The following TTC21A variants were observed in gnomAD, a reference collection of about 807,000 sequenced individuals.
TTC21A encodes tetratricopeptide repeat domain 21A.
Under a neutral mutation model 156.4 loss-of-function variants are expected in TTC21A, and 128 were observed. The observed-to-expected ratio is 0.82, with a 90% CI of 0.71 to 0.95. The LOEUF (loss-of-function observed/expected upper bound fraction) is 0.95. Among genes scored for constraint, TTC21A ranks in the 40% least tolerant of loss-of-function variants. The pLI, the probability that TTC21A is intolerant of heterozygous loss-of-function variation, is 0.00. For missense variants in TTC21A, 1,435 were observed against 1,602.3 expected (o/e 0.90, Z 1.78); for synonymous variants, 587 against 617.1 (o/e 0.95, Z 0.72).
chr3:39,134,789 G>C lies in TTC21A; in HGVS notation c.2863-304G>C, dbSNP rs944994722. 1.9e-6 allele frequency: 1 copy of C among 526,064 alleles called. No homozygotes were observed. The highest frequency in any genetic ancestry group is 2.3e-5 in the South Asian group (1 of 44,320). The allele number at this position is 526,064 out of a possible 1,614,324, so 32.6% of individuals were successfully genotyped here. On this transcript the variant is annotated intron_variant, in intron 21 of 28. Coordinates refer to ENST00000683103, the MANE Select transcript of TTC21A (RefSeq NM_001366900.1). This position sits in a 1 kb window ranked among gnomAD's most constrained non-coding sequence, Gnocchi z 4.6. ...GGCAGTTCTCAGAATGGGTGGAGAG[G>C]CTTCCCCTGTAGGCTGTCAAAAAGC...
intron 1 of TTC21A, among the ~76,000 whole-genome samples, chr3:39,108,837 A>G (rs2036520777): frequency 6.6e-6 from 1 of 152,166 alleles, no homozygotes; most frequent in Non-Finnish European, 1.5e-5. Context: ...TCCCCATCAT[A>G]GTTGAACCAG....
chr3:39,124,675 C>CAGATTGT (rs2038070502), intron 9 of TTC21A, among the ~76,000 whole-genome samples: 1 of 60,498 alleles, frequency 1.7e-5, no homozygotes, highest in Non-Finnish European at 4.9e-5. Context: ...AAAAAAAAAG[C>CAGATTGT]AGATTGTAGA....
chr3:39,126,480 A>ACACG lies in TTC21A; in HGVS notation c.1522+93_1522+94insGCAC, dbSNP rs1489574603. The ACACG allele has an allele frequency of 3.9e-5, 20 of 516,490 alleles. No homozygotes were observed. In the African/African-American group the frequency reaches 8.3e-4, roughly 22 times the overall value. 32.0% of individuals were successfully genotyped at this position (516,490 alleles called of 1,614,324 possible). A position where few individuals can be genotyped will look rare whatever the true frequency, so the allele number is the denominator to read the frequency against. ...AGGCTCCTTGCCTAGGATACTACAC[A>ACACG]CACACACACACACACACACACACAC... On this transcript the variant is annotated intron_variant, in intron 12 of 28. Coordinates refer to ENST00000683103, the MANE Select transcript of TTC21A (RefSeq NM_001366900.1).
chr3:39,121,939 A>G (rs1029053330), intron 9 of TTC21A, among the ~76,000 whole-genome samples: 1 of 152,200 alleles, frequency 6.6e-6, no homozygotes, highest in Non-Finnish European at 1.5e-5. Flanking sequence ...TTCTGGTTCA[A>G]CATGTCAGGC....
chr3:39,128,188 G>A, intron 12 of TTC21A, 143 bp from the exon 13 acceptor site: 1 of 945,564 alleles, frequency 1.1e-6, no homozygotes, highest in Non-Finnish European at 1.6e-6. Flanking sequence ...GGACCCCTGA[G>A]TGAAGCAGAA....
chr3:39,132,109 G>A (rs1338273175), intron 19 of TTC21A, among the ~76,000 whole-genome samples: 1 of 152,110 alleles, frequency 6.6e-6, no homozygotes, highest in Non-Finnish European at 1.5e-5. Flanking sequence ...TGCACAGCAT[G>A]TTACTCTACT....
intron 12 of TTC21A, among the ~76,000 whole-genome samples, chr3:39,128,070 C>T (rs2038413488): frequency 6.6e-6 from 1 of 152,182 alleles, no homozygotes; most frequent in Non-Finnish European, 1.5e-5. Flanking sequence ...AGTGACTTAG[C>T]TATCTCCCTG....
intron 3 of TTC21A, 53 bp from the exon 4 acceptor site, chr3:39,110,798 A>AG: frequency 6.2e-7 from 1 of 1,607,048 alleles, no homozygotes; most frequent in Non-Finnish European, 8.5e-7. Flanking sequence ...ATGCAGAACC[A>AG]GGCAGACTTC....
At position 39,130,070 on chromosome 3, in the gene TTC21A, T is replaced by C. The variant is rs753624607; in HGVS notation, c.2136-9T>C. The C allele has an allele frequency of 1.9e-6, 3 of 1,614,058 alleles. No homozygotes were observed. Among genetic ancestry groups the C allele is most frequent in the Non-Finnish European group, 2.5e-6 (3 of 1,180,002 alleles). ...CCTGGGATAAGCTTTTGGTTACTCT[T>C]GCTTGCAGTGAGCTCTGTGAACATC... On this transcript the variant is annotated splice_polypyrimidine_tract_variant and intron_variant, in intron 15 of 28. Coordinates refer to ENST00000683103, the MANE Select transcript of TTC21A (RefSeq NM_001366900.1). The surrounding 1 kb of genome is among the most constrained non-coding windows in gnomAD (Gnocchi z 4.5).
At position 39,118,286 on chromosome 3, in the gene TTC21A, C is replaced by G; in HGVS notation, c.801+133C>G. On this transcript the variant is annotated intron_variant, in intron 7 of 28. Coordinates refer to ENST00000683103, the MANE Select transcript of TTC21A (RefSeq NM_001366900.1). ...CAGCTTCCTCTTTTCTACCCCACCC[C>G]TATACTCGCTGCCAAGGAGGCCTGC... 7 of 829,216 alleles carry G rather than the reference C, an allele frequency of 8.4e-6. No homozygotes were observed. In the South Asian group the frequency reaches 9.9e-5, roughly 12 times the overall value. 51.4% of individuals were successfully genotyped at this position (829,216 alleles called of 1,614,324 possible).
At chr3:39,132,829 T>C in intron 19 of TTC21A, 1 of 588,514 alleles carries the variant, frequency 1.7e-6, no homozygotes, top group South Asian at 2.1e-5. Context: ...AAAGCGTGTT[T>C]TGTTTGAGTC....
chr3:39,125,006 G>A (rs1444828819), intron 9 of TTC21A, 57 bp from the exon 10 acceptor site: 3 of 1,122,374 alleles, frequency 2.7e-6, no homozygotes, highest in Non-Finnish European at 4.1e-6. Flanking sequence ...TTGACCTGAT[G>A]GGCTGCTGGC....
intron 12 of TTC21A, among the ~76,000 whole-genome samples, 167 bp downstream of exon 12, chr3:39,126,557 A>ATG (rs2038278160): frequency 6.7e-6 from 1 of 148,906 alleles, no homozygotes; most frequent in African/African-American, 2.5e-5. Context: ...ACACACACAC[A>ATG]CATGCATGCT....
chr3:39,110,277 A>T (rs1234612456), intron 3 of TTC21A, 138 bp downstream of exon 3: 2 of 720,418 alleles, frequency 2.8e-6, no homozygotes, highest in Non-Finnish European at 5.0e-6. Flanking sequence ...ACCAGTGAGA[A>T]GTGGCTGCTG....
In TTC21A at chr3:39,138,884, T is replaced by A; in HGVS notation, c.*96T>A. The A allele has an allele frequency of 1.1e-6, 1 of 951,592 alleles. No homozygotes were observed. Among genetic ancestry groups the A allele is most frequent in the Non-Finnish European group, 1.6e-6 (1 of 620,254 alleles). The allele number at this position is 951,592 out of a possible 1,614,324, so 58.9% of individuals were successfully genotyped here. On this transcript the variant is annotated 3_prime_UTR_variant, in exon 29 of 29. Coordinates refer to ENST00000683103, the MANE Select transcript of TTC21A (RefSeq NM_001366900.1). Reference sequence around the variant, plus strand: ...GTCAGTGGAGAAGGGATTCAGAAAATGACACATTCTTCCCCATTTCTATAG... The same window carrying A: ...GTCAGTGGAGAAGGGATTCAGAAAAAGACACATTCTTCCCCATTTCTATAG...
chr3:39,111,641 G>C (rs2036838531), intron 4 of TTC21A, among the ~76,000 whole-genome samples: 1 of 152,150 alleles, frequency 6.6e-6, no homozygotes, highest in African/African-American at 2.4e-5. Context: ...ATGGTCCCTG[G>C]GGGAGAGGGT....
intron 6 of TTC21A, among the ~76,000 whole-genome samples, chr3:39,115,842 A>AG (rs1187801468): frequency 1.3e-5 from 2 of 152,194 alleles, no homozygotes; most frequent in African/African-American, 4.8e-5. Context: ...GTCTAAAAAA[A>AG]AAAGCATATA....
chr3:39,129,116 T>C lies in TTC21A; in HGVS notation c.1941T>C (p.Gly647=). The change falls in exon 15 of 29, where the codon GGT becomes GGC. Residue 647 remains glycine, a synonymous_variant. Coordinates refer to ENST00000683103, the MANE Select transcript of TTC21A (RefSeq NM_001366900.1). ...TGCAGGACACCATCAATGAGTTCGG[T>C]GGCACACCAGAAGAGAACCGCATCA... ...KVMQDTINEF[G]GTPEENRITI... 6.2e-7 allele frequency: 1 copy of C among 1,614,242 alleles called. No individual in the cohort carries two copies.
Position 39,114,702 on chromosome 3 carries a change from G to A in TTC21A, c.676G>A (p.Ala226Thr). The change falls in exon 6 of 29, where the codon GCT (alanine) becomes ACT (threonine). Residue 226 changes from alanine (A) to threonine (T), a missense_variant. Ala to Thr is a moderately conservative substitution (Grantham distance 58). Transcript: ENST00000683103. ...ALVLKMQLFL[A>T]RQDWEQTVEM... ...CGTCCTGAAGATGCAGCTGTTCTTAGCTCGGCAGGACTGGGAGCAGACAGT... is the reference window on the plus strand; with the variant it reads ...CGTCCTGAAGATGCAGCTGTTCTTAACTCGGCAGGACTGGGAGCAGACAGT... The A allele has an allele frequency of 6.2e-7, 1 of 1,614,242 alleles. No homozygotes were observed. Among genetic ancestry groups the A allele is most frequent in the Non-Finnish European group, 8.5e-7 (1 of 1,180,042 alleles).
Sources: allele counts gnomAD v4.1 joint callset (sites outside exome capture counted in the v4.1 genomes callset), GRCh38; gene constraint gnomAD v4.1.1; non-coding constraint Gnocchi (gnomAD v3.1); transcripts MANE v1.5; gene names NCBI Gene and HGNC (gene_info 2026-07-23, HGNC 2026-07-21).